Variants in CADPS observed in about 807,000 individuals in gnomAD.
CADPS encodes the protein calcium-dependent secretion activator 1.
CADPS carries 57 observed loss-of-function variants against 167.3 expected under a neutral mutation model. The observed-to-expected ratio is 0.34, with a 90% confidence interval of 0.28 to 0.42. The LOEUF is 0.42. CADPS is among the 20% of genes least tolerant of loss of function. CADPS has a pLI of 1.00. For missense variants in CADPS, 1,414 were observed against 1,738.1 expected (o/e 0.81, Z 3.32); for synonymous variants, 676 against 635.3 (o/e 1.06, Z -0.96).
intron 1 of CADPS, among the ~76,000 whole-genome samples, chr3:62,859,417 G>C (rs2080332941): frequency 6.6e-6 from 1 of 152,124 alleles, no homozygotes. Context: ...AATACTAATT[G>C]AATATTGACT....
intron 1 of CADPS, among the ~76,000 whole-genome samples, chr3:62,774,513 T>C (rs1283427902): frequency 6.6e-6 from 1 of 152,210 alleles, no homozygotes; most frequent in Non-Finnish European, 1.5e-5. Context: ...CACTGAGGAC[T>C]GCAAGGAGGT....
At chr3:62,503,391 G>C (rs920107131) in intron 17 of CADPS, among the ~76,000 whole-genome samples, 1 of 152,180 alleles carries the variant, frequency 6.6e-6, no homozygotes, top group Non-Finnish European at 1.5e-5. Context: ...CAGGGCTGCT[G>C]ATAAGAGCAA....
chr3:62,499,037 C>G (rs1263456629), intron 18 of CADPS, 125 bp downstream of exon 18: 1 of 565,948 alleles, frequency 1.8e-6, no homozygotes, highest in East Asian at 2.8e-5. Flanking sequence ...ACTTTCATTC[C>G]CTTTGCAATC....
At chr3:62,558,122 GTCT>G (rs962553700) in intron 9 of CADPS, among the ~76,000 whole-genome samples, 7 of 152,224 alleles carry the variant, frequency 4.6e-5, no homozygotes, top group African/African-American at 1.7e-4. Context: ...TTGCTTTGAA[GTCT>G]TCTTCTTATC....
At position 62,765,943 on chromosome 3, in the gene CADPS, C is replaced by G; in HGVS notation, c.483G>C (p.Gln161His). Residue 161 changes from glutamine (Q) to histidine (H), a missense_variant, in exon 2 of 30, where the codon CAG becomes CAC. Coordinates refer to ENST00000383710, the MANE Select transcript of CADPS (RefSeq NM_003716.4). ...QQLQTVKDRFQAFLNGETQIM... is the reference protein window; with the variant it reads ...QQLQTVKDRFHAFLNGETQIM... Reference sequence around the variant, plus strand: ...TCTGGGTTTCCCCATTGAGGAAAGCCTGAAACCGGTCCTTGACTGTCTGCA... The same window carrying G: ...TCTGGGTTTCCCCATTGAGGAAAGCGTGAAACCGGTCCTTGACTGTCTGCA... 6.2e-7 allele frequency: 1 copy of G among 1,613,580 alleles called. No individual in the cohort carries two copies. The highest frequency in any genetic ancestry group is 8.5e-7 in the Non-Finnish European group (1 of 1,179,620).
intron 6 of CADPS, among the ~76,000 whole-genome samples, chr3:62,622,693 T>C (rs928017970): frequency 1.3e-5 from 2 of 152,040 alleles, no homozygotes; most frequent in Non-Finnish European, 2.9e-5. Flanking sequence ...GTTTGTTCCC[T>C]GATAAGACAC....
In CADPS at chr3:62,601,436, A is replaced by G. The variant is rs1305968562; in HGVS notation, c.1326-8688T>C. Among the ~76,000 whole-genome samples the G allele has an allele frequency of 6.6e-6, 1 of 152,192 alleles. No homozygotes were observed. The highest frequency in any genetic ancestry group is 1.5e-5 in the Non-Finnish European group (1 of 68,032). On this transcript the variant is annotated intron_variant, in intron 6 of 29. Transcript: ENST00000383710. This position sits in a 1 kb window ranked among gnomAD's most constrained non-coding sequence, Gnocchi z 4.3. ...TCTGTTACAAACAGTTAAATTGCTG[A>G]CTTGGCCTAATGGAAATACTTTTAT...
intron 1 of CADPS, among the ~76,000 whole-genome samples, chr3:62,844,770 T>A (rs2077148499): frequency 1.3e-5 from 2 of 152,220 alleles, no homozygotes; most frequent in African/African-American, 4.8e-5. Flanking sequence ...CAGTCACTAC[T>A]TTTTTAATGG....
chr3:62,590,822 G>C (rs1417735544), intron 7 of CADPS, among the ~76,000 whole-genome samples: 1 of 151,860 alleles, frequency 6.6e-6, no homozygotes, highest in Non-Finnish European at 1.5e-5. Flanking sequence ...CATTAAACCA[G>C]AATGAAATAA....
At chr3:62,768,841 GT>G (rs2087686670) in intron 1 of CADPS, among the ~76,000 whole-genome samples, 2 of 152,154 alleles carry the variant, frequency 1.3e-5, no homozygotes, top group South Asian at 4.1e-4. Flanking sequence ...TTTTAATCAA[GT>G]TCAGAGAACA....
chr3:62,860,520 C>A (rs78922417), intron 1 of CADPS, among the ~76,000 whole-genome samples: 2,315 of 152,256 alleles, frequency 0.015, 43 homozygotes, highest in South Asian at 0.072. Flanking sequence ...AGTCAGCCCT[C>A]CCTATGTGTG....
chr3:62,518,318 C>A, intron 13 of CADPS, 68 bp from the exon 14 acceptor site: 1 of 1,153,462 alleles, frequency 8.7e-7, no homozygotes, highest in South Asian at 1.3e-5. Flanking sequence ...AAATCTCTAG[C>A]AGGAGGAAAC....
intron 4 of CADPS, among the ~76,000 whole-genome samples, chr3:62,658,068 G>A (rs1297479657): frequency 1.3e-5 from 2 of 152,138 alleles, no homozygotes; most frequent in Non-Finnish European, 2.9e-5. Context: ...AGCAGGGAGT[G>A]AAGAATTGGG....
rs200807232 is a variant in CADPS, at chr3:62,825,369, G to T, written c.441+49220C>A. Among the ~76,000 whole-genome samples the T allele has an allele frequency of 4.6e-5, 7 of 152,264 alleles. No individual in the cohort carries two copies. In the East Asian group the frequency reaches 1.4e-3, roughly 29 times the overall value. ...CTCTCAAAGTGTGGTATGCAAACCA[G>T]CAGCTACAATGCAGCACCTGGGAGC... On this transcript the variant is annotated intron_variant, in intron 1 of 29. Coordinates refer to ENST00000383710, the MANE Select transcript of CADPS (RefSeq NM_003716.4).
chr3:62,819,673 A>C (rs2094806990), intron 1 of CADPS, among the ~76,000 whole-genome samples: 1 of 152,112 alleles, frequency 6.6e-6, no homozygotes, highest in Non-Finnish European at 1.5e-5. Flanking sequence ...CTATGTAACT[A>C]AGGTCAGTCA....
Position 62,824,166 on chromosome 3 carries a change from CAAAAAAA to C in CADPS, c.441+50416_441+50422del, listed in dbSNP as rs3047274. ...GTTTTGGTACCTGTTGCTATAACTT[CAAAAAAA>C]AAAAAAAAAGAAAAAAGAAAGAAAG... On this transcript the variant is annotated intron_variant, in intron 1 of 29. Coordinates refer to ENST00000383710, the MANE Select transcript of CADPS (RefSeq NM_003716.4). Among the ~76,000 whole-genome samples, 24 of 126,658 alleles carry C rather than the reference CAAAAAAA, an allele frequency of 1.9e-4. No homozygotes were observed. The South Asian group carries it at 5.1e-3, about 27-fold the overall frequency. The allele number at this position is 126,658 out of a possible 152,430, so 83.1% of individuals were successfully genotyped here. A position where few individuals can be genotyped will look rare whatever the true frequency, so the allele number is the denominator to read the frequency against.
chr3:62,857,898 T>C (rs1205953988), intron 1 of CADPS, among the ~76,000 whole-genome samples: 1 of 152,184 alleles, frequency 6.6e-6, no homozygotes, highest in East Asian at 1.9e-4. Context: ...AAACATGATT[T>C]ACATCTACAA....
chr3:62,656,726 G>T (rs2071697903), intron 4 of CADPS, among the ~76,000 whole-genome samples: 1 of 152,178 alleles, frequency 6.6e-6, no homozygotes, highest in Admixed American at 6.6e-5. Flanking sequence ...ATGAGAGAAA[G>T]AGGTCTTGGT....
Position 62,753,807 on chromosome 3 carries a change from A to G in CADPS, c.556-34T>C. 6.3e-7 allele frequency: 1 copy of G among 1,575,626 alleles called. No individual in the cohort carries two copies. Among genetic ancestry groups the G allele is most frequent in the Admixed American group, 1.7e-5 (1 of 57,582 alleles). On this transcript the variant is annotated intron_variant, in intron 2 of 29. Transcript: ENST00000383710. This position sits in a 1 kb window ranked among gnomAD's most constrained non-coding sequence, Gnocchi z 4.6. ...GAACAAGGCCAGGAAAGACAGTAGG[A>G]GAGTTTACCACAGAGGTACCAGTTC...
Sources: gnomAD v4.1 joint callset for allele counts (sites outside exome capture counted in the v4.1 genomes callset) on GRCh38, gnomAD v4.1.1 for gene constraint, Gnocchi (gnomAD v3.1) non-coding constraint, MANE v1.5 for transcripts, NCBI Gene and HGNC (gene_info 2026-07-23, HGNC 2026-07-21) for gene names.